GRM5: variants seen among roughly 807,000 people sequenced by gnomAD.
GRM5 encodes the protein metabotropic glutamate receptor 5.
GRM5 carries 19 observed loss-of-function variants against 83.1 expected under a neutral mutation model. The observed-to-expected ratio is 0.23, with a 90% CI of 0.16 to 0.34. The LOEUF (loss-of-function observed/expected upper bound fraction) is 0.34, where lower values mean the gene tolerates loss of function less well. Among genes scored for constraint, GRM5 ranks in the 10% least tolerant of loss-of-function variants. The pLI, the probability that GRM5 is intolerant of heterozygous loss-of-function variation, is 1.00. For missense variants in GRM5, 1,160 were observed against 1,588.3 expected (o/e 0.73, Z 4.58); for synonymous variants, 675 against 633.6 (o/e 1.07, Z -0.98).
intron 3 of GRM5, among the ~76,000 whole-genome samples, chr11:88,698,904 A>G (rs1400503243): frequency 6.6e-6 from 1 of 152,196 alleles, no homozygotes; most frequent in African/African-American, 2.4e-5. Flanking sequence ...GATTGAACAA[A>G]GTGGAGAATT....
intron 3 of GRM5, among the ~76,000 whole-genome samples, chr11:88,662,521 A>T (rs1000190196): frequency 6.6e-6 from 1 of 152,192 alleles, no homozygotes; most frequent in Non-Finnish European, 1.5e-5. Context: ...TCAAACACTC[A>T]TCTAGATAAG....
intron 2 of GRM5, among the ~76,000 whole-genome samples, chr11:88,987,367 G>A (rs112776392): frequency 4.6e-5 from 7 of 152,092 alleles, no homozygotes; most frequent in East Asian, 1.9e-4. Context: ...CTACGCCCAC[G>A]GAGTCTCACT....
intron 7 of GRM5, among the ~76,000 whole-genome samples, chr11:88,584,158 T>C (rs1306212251): frequency 6.6e-6 from 1 of 151,292 alleles, no homozygotes; most frequent in Non-Finnish European, 1.5e-5. Flanking sequence ...ATGGAACAAA[T>C]AAAATCTATA....
At chr11:88,519,850 G>T (rs1470196734) in intron 9 of GRM5, among the ~76,000 whole-genome samples, 1 of 152,146 alleles carries the variant, frequency 6.6e-6, no homozygotes, top group Non-Finnish European at 1.5e-5. Flanking sequence ...CCTATTGTGT[G>T]TCAGGCAATA....
chr11:88,588,139 G>A (rs1225902597), intron 7 of GRM5, among the ~76,000 whole-genome samples: 1 of 152,144 alleles, frequency 6.6e-6, no homozygotes, highest in African/African-American at 2.4e-5. Flanking sequence ...TTTCTTGTGT[G>A]CTTGGAAAAA....
chr11:88,518,577 A>AT (rs1941588751), intron 9 of GRM5, among the ~76,000 whole-genome samples: 1 of 151,986 alleles, frequency 6.6e-6, no homozygotes, highest in African/African-American at 2.4e-5. Flanking sequence ...GAATTTATCA[A>AT]TTTTTTATGT....
chr11:88,798,815 A>AC (rs1264273846), intron 3 of GRM5, among the ~76,000 whole-genome samples: 26 of 141,852 alleles, frequency 1.8e-4, no homozygotes, highest in African/African-American at 6.3e-4. Context: ...CAAAAAAAAA[A>AC]AAAAAAAAAA....
intron 3 of GRM5, among the ~76,000 whole-genome samples, chr11:88,731,757 A>AT (rs1199454483): frequency 6.6e-6 from 1 of 151,964 alleles, no homozygotes; most frequent in Non-Finnish European, 1.5e-5. Context: ...GATGTGTCAG[A>AT]TTTGCTCAAG....
chr11:88,804,401 C>G (rs1050893511), intron 3 of GRM5, among the ~76,000 whole-genome samples: 38 of 148,914 alleles, frequency 2.6e-4, no homozygotes, highest in Non-Finnish European at 4.4e-4. Context: ...ATGGATGAAA[C>G]TGGAAATCAT....
Position 88,846,403 on chromosome 11 carries a change from A to C in GRM5, c.911+3503T>G, listed in dbSNP as rs1234618090. Among the ~76,000 whole-genome samples the C allele has an allele frequency of 2.6e-5, 4 of 152,322 alleles. No individual in the cohort carries two copies. The East Asian group carries it at 7.7e-4, about 29-fold the overall frequency. On this transcript the variant is annotated intron_variant, in intron 3 of 9. Transcript: ENST00000305447. ...AGACTATTTCAGGGACCTGAACAGG[A>C]TATTTTTATTGGCAATGAGACAGCA...
chr11:88,870,921 A>G (rs1225702760), intron 2 of GRM5, among the ~76,000 whole-genome samples: 1 of 151,538 alleles, frequency 6.6e-6, no homozygotes, highest in African/African-American at 2.4e-5. Context: ...TAATAATAAT[A>G]GATTGAATAC....
At chr11:88,654,470 A>T (rs1037039130) in intron 3 of GRM5, among the ~76,000 whole-genome samples, 1 of 152,102 alleles carries the variant, frequency 6.6e-6, no homozygotes, top group Non-Finnish European at 1.5e-5. Flanking sequence ...CCCTGGAAGA[A>T]GTGCAAGTGC....
At chr11:88,946,899 C>T (rs981240332) in intron 2 of GRM5, among the ~76,000 whole-genome samples, 6 of 152,040 alleles carry the variant, frequency 3.9e-5, no homozygotes, top group African/African-American at 1.4e-4. Context: ...GTCAATGAAA[C>T]ATTATCTCCT....
rs146194409 is a variant in GRM5, at chr11:88,575,846, T to G, written c.1691-7854A>C. Among the ~76,000 whole-genome samples, 1,079 of 151,204 alleles carry G rather than the reference T, an allele frequency of 7.1e-3. 9 individuals are homozygous for G. Among genetic ancestry groups the G allele is most frequent in the African/African-American group, 0.026 (1,041 of 40,462 alleles). ...CATCCTTCAAGGTTTATTACACATC[T>G]CGTTTTAGATTCCTTAATAGAATTC... On this transcript the variant is annotated intron_variant, in intron 7 of 9. Transcript: ENST00000305447.
At chr11:89,009,929 A>AAAAAAAAAAAAAACAC (rs752780249) in intron 2 of GRM5, among the ~76,000 whole-genome samples, 1 of 102,334 alleles carries the variant, frequency 9.8e-6, no homozygotes, top group African/African-American at 3.2e-5. Flanking sequence ...AAAAAAAAAA[A>AAAAAAAAAAAAAACAC]ACACACACAA....
chr11:88,508,289 G>A lies in GRM5; in HGVS notation c.*303C>T. 1 of 251,510 alleles carries A rather than the reference G, an allele frequency of 4.0e-6. No individual in the cohort carries two copies. The allele number at this position is 251,510 out of a possible 1,614,324, so 15.6% of individuals were successfully genotyped here. On this transcript the variant is annotated 3_prime_UTR_variant, in exon 10 of 10. Coordinates refer to ENST00000305447, the MANE Select transcript of GRM5 (RefSeq NM_001143831.3). The surrounding 1 kb of genome is among the most constrained non-coding windows in gnomAD (Gnocchi z 4.2). ...CTGTTTCACACGCACTGCTTCCCTA[G>A]AGCAAAGCACTTGGTATGGAACTGT...
intron 3 of GRM5, among the ~76,000 whole-genome samples, chr11:88,706,499 G>C (rs1358272802): frequency 6.6e-6 from 1 of 152,052 alleles, no homozygotes; most frequent in Non-Finnish European, 1.5e-5. Context: ...GAAGAGTGAA[G>C]TCCCCAATAT....
chr11:88,942,019 T>C (rs570853710), intron 2 of GRM5, among the ~76,000 whole-genome samples: 1 of 152,100 alleles, frequency 6.6e-6, no homozygotes, highest in Non-Finnish European at 1.5e-5. Context: ...TGCAAATATA[T>C]ACACCTTAAT....
intron 2 of GRM5, among the ~76,000 whole-genome samples, chr11:88,987,427 T>C (rs1565322451): frequency 6.6e-6 from 1 of 151,452 alleles, no homozygotes; most frequent in Admixed American, 6.6e-5. Flanking sequence ...GCAGCGAGGT[T>C]GGGGGAGGGG....
Sources: gnomAD v4.1 joint callset for allele counts (sites outside exome capture counted in the v4.1 genomes callset) on GRCh38, gnomAD v4.1.1 for gene constraint, Gnocchi (gnomAD v3.1) non-coding constraint, MANE v1.5 for transcripts, NCBI Gene and HGNC (gene_info 2026-07-23, HGNC 2026-07-21) for gene names.